Variants in SLC10A7 observed in about 807,000 individuals in gnomAD.
The protein encoded by SLC10A7 is sodium/bile acid cotransporter 7.
SLC10A7 carries 29 observed loss-of-function variants against 43.2 expected under a neutral mutation model. The observed-to-expected ratio is 0.67, with a 90% CI of 0.50 to 0.92. The LOEUF (loss-of-function observed/expected upper bound fraction) is 0.92, where lower values mean the gene tolerates loss of function less well. Ranked by LOEUF, SLC10A7 falls within the 40% of genes least tolerant of loss-of-function variation. The pLI is 0.00. For synonymous variants in SLC10A7, 152 were observed against 144.8 expected, an observed-to-expected ratio of 1.05 and a Z score of -0.35; for missense variants, 295 against 403.2, an observed-to-expected ratio of 0.73 and a Z score of 2.30.
At chr4:146,278,624 A>G (rs1016698703) in intron 10 of SLC10A7, among the ~76,000 whole-genome samples, 2 of 152,208 alleles carry the variant, frequency 1.3e-5, no homozygotes, top group Admixed American at 1.3e-4. Context: ...CATTATTTAT[A>G]TAACTATTCC....
At chr4:146,328,984 C>G (rs76132201) in intron 5 of SLC10A7, among the ~76,000 whole-genome samples, 2 of 152,058 alleles carry the variant, frequency 1.3e-5, no homozygotes, top group East Asian at 3.8e-4. Flanking sequence ...TTATGAAATG[C>G]CTGAAAAAGA....
At chr4:146,458,504 A>G (rs1258272381) in intron 4 of SLC10A7, among the ~76,000 whole-genome samples, 1 of 151,898 alleles carries the variant, frequency 6.6e-6, no homozygotes, top group African/African-American at 2.4e-5. Context: ...AGACCAAGTC[A>G]GTTAGTCAAA....
At chr4:146,520,006 T>C (rs1361855768) in intron 1 of SLC10A7, among the ~76,000 whole-genome samples, 1 of 152,204 alleles carries the variant, frequency 6.6e-6, no homozygotes, top group East Asian at 1.9e-4. Flanking sequence ...ATCTATCTCA[T>C]ACATGCCACT....
At chr4:146,492,154 A>G (rs369153385) in intron 4 of SLC10A7, among the ~76,000 whole-genome samples, 13 of 151,570 alleles carry the variant, frequency 8.6e-5, no homozygotes, top group African/African-American at 2.7e-4. Context: ...CTGGAGGCGG[A>G]GCTTGCAGTG....
chr4:146,453,783 A>G (rs939148506), intron 4 of SLC10A7, among the ~76,000 whole-genome samples: 1 of 151,982 alleles, frequency 6.6e-6, no homozygotes, highest in Non-Finnish European at 1.5e-5. Flanking sequence ...AAATCATTTA[A>G]TGTGCAAACT....
At chr4:146,284,693 CTTAA>C (rs1197023152) in intron 9 of SLC10A7, among the ~76,000 whole-genome samples, 1 of 152,170 alleles carries the variant, frequency 6.6e-6, no homozygotes, top group Non-Finnish European at 1.5e-5. Context: ...ATAAGACTGG[CTTAA>C]TTGTTTCTAC....
At chr4:146,387,315 T>C (rs1425666458) in intron 5 of SLC10A7, among the ~76,000 whole-genome samples, 1 of 152,204 alleles carries the variant, frequency 6.6e-6, no homozygotes, top group Admixed American at 6.5e-5. Flanking sequence ...TGGTTCAACA[T>C]ATGCAAATCA....
intron 10 of SLC10A7, among the ~76,000 whole-genome samples, chr4:146,272,393 C>T (rs192339616): frequency 6.6e-6 from 1 of 152,140 alleles, no homozygotes; most frequent in Admixed American, 6.5e-5. Context: ...CTACTGGGTA[C>T]CCCATAGCTT....
chr4:146,511,306 A>C (rs574437436), intron 2 of SLC10A7, among the ~76,000 whole-genome samples: 16 of 152,352 alleles, frequency 1.1e-4, no homozygotes, highest in African/African-American at 3.1e-4. Context: ...TGAAATAAAA[A>C]CAAAATGGAA....
At chr4:146,348,681 A>G (rs1734801653) in intron 5 of SLC10A7, among the ~76,000 whole-genome samples, 1 of 152,106 alleles carries the variant, frequency 6.6e-6, no homozygotes, top group Non-Finnish European at 1.5e-5. Flanking sequence ...ATTTATGTAA[A>G]TTTTCCTGAA....
At chr4:146,336,879 G>T (rs1014794163) in intron 5 of SLC10A7, among the ~76,000 whole-genome samples, 4 of 152,020 alleles carry the variant, frequency 2.6e-5, no homozygotes, top group African/African-American at 9.7e-5. Context: ...TTGCTGATTA[G>T]AACTAATATA....
chr4:146,359,104 T>C (rs1735865026), intron 5 of SLC10A7, among the ~76,000 whole-genome samples: 1 of 152,212 alleles, frequency 6.6e-6, no homozygotes, highest in Non-Finnish European at 1.5e-5. Context: ...ATTGTGGCTT[T>C]AATTTGCATT....
rs994791121 is a variant in SLC10A7, at chr4:146,255,160, G to T, written c.*1331C>A. 1 of 152,572 alleles carries T rather than the reference G, an allele frequency of 6.6e-6. No individual in the cohort carries two copies. The highest frequency in any genetic ancestry group is 2.1e-4 in the South Asian group (1 of 4,828). The allele number at this position is 152,572 out of a possible 1,614,324, so 9.5% of individuals were successfully genotyped here. ...ATCAAGAGAGGACGTGTAAGAGGAT[G>T]TGACAGGACGGCATGGGGGAAACAC... On this transcript the variant is annotated 3_prime_UTR_variant, in exon 12 of 12. Transcript: ENST00000335472.
chr4:146,432,644 G>A (rs1729861119), intron 5 of SLC10A7, among the ~76,000 whole-genome samples: 1 of 152,142 alleles, frequency 6.6e-6, no homozygotes, highest in Admixed American at 6.5e-5. Context: ...CCAGGTGATG[G>A]GAATATTATC....
At chr4:146,262,934 A>T (rs183409049) in intron 10 of SLC10A7, among the ~76,000 whole-genome samples, 25 of 152,334 alleles carry the variant, frequency 1.6e-4, no homozygotes, top group African/African-American at 5.8e-4. Context: ...GCATAAGAGG[A>T]CTTCATGACT....
chr4:146,515,769 G>A (rs923584767), intron 2 of SLC10A7, among the ~76,000 whole-genome samples: 1 of 152,116 alleles, frequency 6.6e-6, no homozygotes, highest in African/African-American at 2.4e-5. Context: ...AATTAGCCGG[G>A]CGTGGTGGTG....
intron 5 of SLC10A7, among the ~76,000 whole-genome samples, chr4:146,329,448 C>T (rs1733381942): frequency 1.3e-5 from 2 of 152,178 alleles, no homozygotes; most frequent in South Asian, 4.1e-4. Flanking sequence ...AATCCTCACA[C>T]TCTCTGACAT....
intron 5 of SLC10A7, among the ~76,000 whole-genome samples, chr4:146,391,536 T>C (rs1738429823): frequency 6.6e-6 from 1 of 152,226 alleles, no homozygotes; most frequent in African/African-American, 2.4e-5. Context: ...TTTTAAAATC[T>C]GCTCAAATAT....
At chr4:146,418,134 C>G (rs1336787458) in intron 5 of SLC10A7, among the ~76,000 whole-genome samples, 4 of 152,152 alleles carry the variant, frequency 2.6e-5, no homozygotes, top group Non-Finnish European at 5.9e-5. Context: ...GGGACTGTCA[C>G]AAAGATTTAG....
Sources: gnomAD v4.1 joint callset for allele counts (sites outside exome capture counted in the v4.1 genomes callset) on GRCh38, gnomAD v4.1.1 for gene constraint, MANE v1.5 for transcripts, NCBI Gene and HGNC (gene_info 2026-07-23, HGNC 2026-07-21) for gene names.